Variants in FOXP4 observed in about 807,000 individuals in gnomAD.
FOXP4 encodes the protein forkhead box protein P4.
In FOXP4, 25 loss-of-function variants were observed where a neutral mutation model predicts 82.6. The observed-to-expected ratio is 0.30, with a 90% CI of 0.22 to 0.42. The LOEUF (loss-of-function observed/expected upper bound fraction) is 0.42, where lower values mean the gene tolerates loss of function less well. Among genes scored for constraint, FOXP4 ranks in the 10% least tolerant of loss-of-function variants. FOXP4 has a pLI of 1.00. For missense variants in FOXP4, 785 were observed against 900.9 expected (o/e 0.87, Z 1.65); for synonymous variants, 415 against 388.2 (o/e 1.07, Z -0.81).
chr6:41,597,747 G>A, intron 15 of FOXP4, 34 bp from the exon 16 acceptor site: 6 of 1,595,294 alleles, frequency 3.8e-6, no homozygotes, highest in Non-Finnish European at 5.1e-6. Context: ...ATCCTGTGGA[G>A]CCACTGACGA....
intron 2 of FOXP4, among the ~76,000 whole-genome samples, chr6:41,568,561 G>T (rs1381279403): frequency 6.6e-6 from 1 of 152,178 alleles, no homozygotes; most frequent in East Asian, 1.9e-4. Flanking sequence ...AACCTGAAAG[G>T]GTTCTGTGAT....
chr6:41,588,242 G>A (rs533598224), intron 8 of FOXP4, among the ~76,000 whole-genome samples: 4 of 152,304 alleles, frequency 2.6e-5, no homozygotes, highest in African/African-American at 4.8e-5. Flanking sequence ...GCTGAGGGCC[G>A]CAGACAGGCA....
intron 1 of FOXP4, among the ~76,000 whole-genome samples, chr6:41,564,008 G>A (rs1349050806): frequency 1.3e-5 from 2 of 152,212 alleles, no homozygotes; most frequent in East Asian, 3.8e-4. Context: ...AGGAATCTGA[G>A]GGTTGGGGAG....
chr6:41,587,768 G>T, intron 7 of FOXP4, 25 bp from the exon 8 acceptor site: 1 of 1,491,628 alleles, frequency 6.7e-7, no homozygotes, highest in Non-Finnish European at 9.1e-7. Flanking sequence ...GTCCCTGATC[G>T]GCCACCTCCC....
chr6:41,587,569 C>A lies in FOXP4; in HGVS notation c.872+57C>A, dbSNP rs1766223570. On this transcript the variant is annotated intron_variant, in intron 7 of 16. Coordinates refer to ENST00000307972, the MANE Select transcript of FOXP4 (RefSeq NM_001012426.2). Reference sequence around the variant, plus strand: ...AGGCCTGCCTGGGGGTAGACCTGGCCCCCCACCCATGAGGGCTGACTGTGA... The same window carrying A: ...AGGCCTGCCTGGGGGTAGACCTGGCACCCCACCCATGAGGGCTGACTGTGA... 2.9e-6 allele frequency: 4 copies of A among 1,384,142 alleles called. No homozygotes were observed. The Admixed American group carries it at 9.2e-5, about 32-fold the overall frequency. The allele number at this position is 1,384,142 out of a possible 1,614,324, so 85.7% of individuals were successfully genotyped here. A position where few individuals can be genotyped will look rare whatever the true frequency, so the allele number is the denominator to read the frequency against.
intron 1 of FOXP4, among the ~76,000 whole-genome samples, chr6:41,550,154 C>T (rs1035831292): frequency 1.3e-5 from 2 of 152,142 alleles, no homozygotes; most frequent in Non-Finnish European, 2.9e-5. Context: ...ACTGAGGCCT[C>T]CCCAGGGCAG....
Position 41,598,932 on chromosome 6 carries a change from C to CCTAA in FOXP4, c.2040_2043dup. ...GAGGAGCTGCCGGGAGAAGAACTGT[C>CCTAA]CTAAGGGCCTGTAGTGACCGGCAGG... On this transcript the variant is annotated stop_gained and frameshift_variant, in exon 17 of 17. Coordinates refer to ENST00000307972, the MANE Select transcript of FOXP4 (RefSeq NM_001012426.2). LOFTEE classifies it high-confidence loss of function. The CCTAA allele has an allele frequency of 1.2e-6, 2 of 1,604,828 alleles. No individual in the cohort carries two copies. The highest frequency in any genetic ancestry group is 2.3e-5 in the South Asian group (2 of 88,824).
At chr6:41,571,015 C>G (rs1032164616) in intron 2 of FOXP4, among the ~76,000 whole-genome samples, 1 of 152,200 alleles carries the variant, frequency 6.6e-6, no homozygotes, top group African/African-American at 2.4e-5. Context: ...GGCTCAGAAC[C>G]CAAACCCCAG....
chr6:41,576,325 G>C (rs950840434), intron 2 of FOXP4, among the ~76,000 whole-genome samples: 20 of 152,154 alleles, frequency 1.3e-4, no homozygotes, highest in Admixed American at 8.5e-4. Context: ...TAGATTTAAA[G>C]CCTCAGGAGG....
chr6:41,578,159 T>A, intron 3 of FOXP4, 78 bp downstream of exon 3: 1 of 1,232,016 alleles, frequency 8.1e-7, no homozygotes, highest in Non-Finnish European at 1.2e-6. Context: ...AAGGACCCGT[T>A]GGAGAACTGC....
In FOXP4 at chr6:41,588,659, G is replaced by T; in HGVS notation, c.993G>T (p.Glu331Asp). The T allele has an allele frequency of 1.2e-6, 2 of 1,614,120 alleles. No homozygotes were observed. Among genetic ancestry groups the T allele is most frequent in the Non-Finnish European group, 1.7e-6 (2 of 1,180,022 alleles). ...CCCCTTGAAGACACCTCAACACAGA[G>T]CACGCCCTGGATGACCGGAGTACAG... is the stretch of plus-strand genomic sequence containing the variant. Reference protein sequence around the residue: ...LGQFIKHLNTEHALDDRSTAQ... With the variant: ...LGQFIKHLNTDHALDDRSTAQ... The change falls in exon 9 of 17, where the codon GAG (glutamate) becomes GAT (aspartate). Residue 331 changes from glutamate to aspartate, a missense_variant. Physicochemically the swap from Glu to Asp is conservative, Grantham distance 45 (BLOSUM62 2). Transcript: ENST00000307972.
intron 1 of FOXP4, among the ~76,000 whole-genome samples, chr6:41,552,643 G>C (rs1415375026): frequency 3.9e-5 from 6 of 152,110 alleles, no homozygotes; most frequent in Admixed American, 3.3e-4. Context: ...CTGAGCACAG[G>C]GATATAACAC....
intron 2 of FOXP4, among the ~76,000 whole-genome samples, chr6:41,574,270 A>G (rs992177061): frequency 3.0e-4 from 45 of 152,310 alleles, no homozygotes; most frequent in African/African-American, 1.0e-3. Flanking sequence ...GCATGGGATC[A>G]TGGAGACCCC....
intron 3 of FOXP4, among the ~76,000 whole-genome samples, chr6:41,581,679 C>T (rs1015231794): frequency 7.9e-5 from 12 of 152,208 alleles, no homozygotes; most frequent in East Asian, 3.9e-4. Flanking sequence ...GATCAGCATG[C>T]GGCAGCCACT....
At position 41,600,886 on chromosome 6, in the gene FOXP4, C is replaced by G. The variant is rs576675650; in HGVS notation, c.*1950C>G. On this transcript the variant is annotated 3_prime_UTR_variant, in exon 17 of 17. Transcript: ENST00000307972. ...TTCTCTGTCATTTTCCTGTTTTCTT[C>G]CAGAGTCCCAATCCTTTGCCCTAGT... 2 of 152,410 alleles carry G rather than the reference C, an allele frequency of 1.3e-5. No individual in the cohort carries two copies. The highest frequency in any genetic ancestry group is 2.4e-5 in the African/African-American group (1 of 41,574). 9.4% of individuals were successfully genotyped at this position (152,410 alleles called of 1,614,324 possible). A position where few individuals can be genotyped will look rare whatever the true frequency, so the allele number is the denominator to read the frequency against.
intron 5 of FOXP4, among the ~76,000 whole-genome samples, chr6:41,586,021 C>A (rs890047933): frequency 6.6e-6 from 1 of 152,170 alleles, no homozygotes; most frequent in Admixed American, 6.5e-5. Flanking sequence ...CCTACATCCC[C>A]TACCCCATCG....
chr6:41,599,226 GC>G lies in FOXP4; in HGVS notation c.*291del. On this transcript the variant is annotated 3_prime_UTR_variant, in exon 17 of 17. Transcript: ENST00000307972. ...TGAAACTGCCTCCCCCCAACCACCA[GC>G]AGCAGCAGGGCCCTCCTCCCCCACC... 3.9e-6 allele frequency: 1 copy of G among 257,978 alleles called. No homozygotes were observed. Among genetic ancestry groups the G allele is most frequent in the South Asian group, 1.0e-4 (1 of 9,668 alleles). 16.0% of individuals were successfully genotyped at this position (257,978 alleles called of 1,614,324 possible). A position where few individuals can be genotyped will look rare whatever the true frequency, so the allele number is the denominator to read the frequency against.
rs1053883780 is a variant in FOXP4 at position 41,593,813 on chromosome 6, G to T, written c.1537-1057G>T. 2.0e-5 allele frequency among the ~76,000 whole-genome samples: 3 copies of T among 152,240 alleles called. No individual in the cohort carries two copies. In the South Asian group the frequency reaches 6.2e-4, roughly 31 times the overall value. Reference sequence around the variant, plus strand: ...GGCCAGTTGCAAGTGGCAAGAGTTGGAAGGGAGAGAGGGAGAGGGATCTCC... The same window carrying T: ...GGCCAGTTGCAAGTGGCAAGAGTTGTAAGGGAGAGAGGGAGAGGGATCTCC... On this transcript the variant is annotated intron_variant, in intron 13 of 16. Transcript: ENST00000307972. The surrounding 1 kb of genome is among the most constrained non-coding windows in gnomAD (Gnocchi z 4.1).
intron 1 of FOXP4, among the ~76,000 whole-genome samples, chr6:41,560,612 A>G (rs1764519710): frequency 6.6e-6 from 1 of 152,222 alleles, no homozygotes; most frequent in Admixed American, 6.5e-5. Context: ...CCCCGCGGGT[A>G]AACTCCGGGC....
Sources: gnomAD v4.1 joint callset for allele counts (sites outside exome capture counted in the v4.1 genomes callset) on GRCh38, gnomAD v4.1.1 for gene constraint, Gnocchi (gnomAD v3.1) non-coding constraint, MANE v1.5 for transcripts, NCBI Gene and HGNC (gene_info 2026-07-23, HGNC 2026-07-21) for gene names.